The following MECOM variants were observed in gnomAD, a reference collection of about 807,000 sequenced individuals.
MECOM encodes MDS1 and EVI1 complex locus, also known as histone-lysine N-methyltransferase MECOM.
Under a neutral mutation model 116.3 loss-of-function variants are expected in MECOM, and 13 were observed. The ratio of observed to expected loss-of-function variants is 0.11; its 90% CI spans 0.07 to 0.18. The LOEUF (loss-of-function observed/expected upper bound fraction) is 0.18. Ranked by LOEUF, MECOM falls within the 10% of genes least tolerant of loss-of-function variation. MECOM has a pLI of 1.00. For missense variants in MECOM, 1,299 were observed against 1,509.0 expected, an observed-to-expected ratio of 0.86 and a Z score of 2.31; for synonymous variants, 528 against 535.2, an observed-to-expected ratio of 0.99 and a Z score of 0.19.
At chr3:169,092,812 A>T in intron 14 of MECOM, 146 bp downstream of exon 14, 1 of 824,840 alleles carries the variant, frequency 1.2e-6, no homozygotes, top group Non-Finnish European at 1.9e-6. Context: ...GGAAGCATTT[A>T]ATGTGGTATT....
intron 1 of MECOM, among the ~76,000 whole-genome samples, chr3:169,638,417 GC>G (rs1352764337): frequency 1.3e-5 from 2 of 151,948 alleles, no homozygotes; most frequent in Non-Finnish European, 2.9e-5. Flanking sequence ...GACAGTATTA[GC>G]CCCCTGCTAC....
At chr3:169,513,088 T>C (rs1404647877) in intron 1 of MECOM, among the ~76,000 whole-genome samples, 2 of 152,230 alleles carry the variant, frequency 1.3e-5, no homozygotes, top group Non-Finnish European at 1.5e-5. Context: ...TTATTTTGTT[T>C]CCCCGGGATG....
At chr3:169,514,572 C>T (rs779341299) in intron 1 of MECOM, among the ~76,000 whole-genome samples, 2 of 152,208 alleles carry the variant, frequency 1.3e-5, no homozygotes, top group African/African-American at 2.4e-5. Flanking sequence ...AATGCCAAAA[C>T]CTTTCCTTTC....
At chr3:169,248,617 A>T (rs182579441) in intron 2 of MECOM, among the ~76,000 whole-genome samples, 1 of 152,240 alleles carries the variant, frequency 6.6e-6, no homozygotes, top group East Asian at 1.9e-4. Context: ...TTAAAGCCCT[A>T]ACACCCAATG....
intron 2 of MECOM, among the ~76,000 whole-genome samples, chr3:169,361,958 C>A (rs1728374152): frequency 6.6e-6 from 1 of 151,792 alleles, no homozygotes; most frequent in South Asian, 2.1e-4. Context: ...GGTCTTAAGC[C>A]ACCTTCTCTG....
At chr3:169,497,769 T>C (rs1467387429) in intron 1 of MECOM, among the ~76,000 whole-genome samples, 1 of 152,362 alleles carries the variant, frequency 6.6e-6, no homozygotes, top group Non-Finnish European at 1.5e-5. Flanking sequence ...CTTCTCATTA[T>C]GTCTAAATAA....
At chr3:169,292,541 G>C (rs572254874) in intron 2 of MECOM, among the ~76,000 whole-genome samples, 1 of 152,216 alleles carries the variant, frequency 6.6e-6, no homozygotes, top group South Asian at 2.1e-4. Flanking sequence ...GGCTAATTTA[G>C]GAGATGCAAG....
rs1776591049 is a variant in MECOM, at chr3:169,663,471, C to CCTCT, written c.-100_-99insAGAG. 1.3e-5 allele frequency: 13 copies of CCTCT among 1,034,186 alleles called. No homozygotes were observed. Among genetic ancestry groups the CCTCT allele is most frequent in the Non-Finnish European group, 1.7e-5 (12 of 716,274 alleles). 64.1% of individuals were successfully genotyped at this position (1,034,186 alleles called of 1,614,324 possible). On this transcript the variant is annotated 5_prime_UTR_variant, in exon 1 of 17. Transcript: ENST00000651503. ...TCCCTCTCGCTCCCTCCCTCTCTCT[C>CCTCT]CTGTCTCTCTCTCTCTCTCTCTCTC...
In MECOM at chr3:169,147,072, T is replaced by C. The variant is rs78772450; in HGVS notation, c.376-3240A>G. The C allele has an allele frequency of 4.3e-3, 4,252 of 989,640 alleles. 10 individuals carry two copies. Among genetic ancestry groups the C allele is most frequent in the Non-Finnish European group, 4.7e-3 (3,928 of 832,624 alleles). The allele number at this position is 989,640 out of a possible 1,614,324, so 61.3% of individuals were successfully genotyped here. ...TGTGTTTTGGCTTTTTCCCCCTTCCTAAATGAGCTCGGAGCTATTCCTTCT... is the reference window on the plus strand; with the variant it reads ...TGTGTTTTGGCTTTTTCCCCCTTCCCAAATGAGCTCGGAGCTATTCCTTCT... On this transcript the variant is annotated intron_variant, in intron 2 of 16. Coordinates refer to ENST00000651503, the MANE Select transcript of MECOM (RefSeq NM_004991.4).
At chr3:169,559,765 G>A (rs951300811) in intron 1 of MECOM, among the ~76,000 whole-genome samples, 2 of 152,234 alleles carry the variant, frequency 1.3e-5, no homozygotes, top group East Asian at 1.9e-4. Flanking sequence ...AAACCAGGGC[G>A]ATACTACAGA....
At chr3:169,179,883 A>G (rs1045587088) in intron 2 of MECOM, among the ~76,000 whole-genome samples, 2 of 152,158 alleles carry the variant, frequency 1.3e-5, no homozygotes, top group African/African-American at 4.8e-5. Context: ...ATAGTATGTT[A>G]TCTGCTGAGT....
chr3:169,248,811 G>A (rs777054266), intron 2 of MECOM, among the ~76,000 whole-genome samples: 2 of 152,152 alleles, frequency 1.3e-5, no homozygotes, highest in Non-Finnish European at 2.9e-5. Context: ...TAGTAAGTAG[G>A]TAGAGATCTG....
Position 169,417,293 on chromosome 3 carries a change from C to T in MECOM, c.38-35769G>A, listed in dbSNP as rs1233135408. 1.9e-4 allele frequency among the ~76,000 whole-genome samples: 28 copies of T among 148,996 alleles called. 1 individual carries two copies. The highest frequency in any genetic ancestry group is 4.2e-4 in the South Asian group (2 of 4,714). Reference sequence around the variant, plus strand: ...ACAAACAACCCCATCAAAAAGTGGGCGAAGGACATGAACAGACACTTCTCA... The same window carrying T: ...ACAAACAACCCCATCAAAAAGTGGGTGAAGGACATGAACAGACACTTCTCA... On this transcript the variant is annotated intron_variant, in intron 1 of 16. Transcript: ENST00000651503.
intron 1 of MECOM, among the ~76,000 whole-genome samples, chr3:169,485,953 G>GTA (rs1560340522): frequency 9.6e-6 from 1 of 103,984 alleles, no homozygotes; most frequent in African/African-American, 4.3e-5. Flanking sequence ...ATGTATATAT[G>GTA]TACATATATA....
At chr3:169,399,547 T>G (rs1735538813) in intron 1 of MECOM, among the ~76,000 whole-genome samples, 2 of 152,230 alleles carry the variant, frequency 1.3e-5, no homozygotes, top group African/African-American at 4.8e-5. Flanking sequence ...TCAAGCTTGC[T>G]GCTTGCAAAT....
chr3:169,198,328 C>A (rs149876018), intron 2 of MECOM, among the ~76,000 whole-genome samples: 13 of 152,106 alleles, frequency 8.5e-5, no homozygotes, highest in Admixed American at 7.2e-4. Flanking sequence ...CTTCACATTG[C>A]TCTCCCCTTC....
intron 1 of MECOM, among the ~76,000 whole-genome samples, chr3:169,650,229 C>T (rs1265438733): frequency 3.3e-5 from 5 of 152,168 alleles, no homozygotes; most frequent in Non-Finnish European, 7.3e-5. Context: ...CAGTGAAAAA[C>T]ATTTTTCTAT....
chr3:169,623,248 C>CA (rs1196774559), intron 1 of MECOM, among the ~76,000 whole-genome samples: 1 of 152,140 alleles, frequency 6.6e-6, no homozygotes, highest in Non-Finnish European at 1.5e-5. Flanking sequence ...TGCAAACTGA[C>CA]AAAAATAATA....
chr3:169,210,252 G>A (rs117613771), intron 2 of MECOM, among the ~76,000 whole-genome samples: 2 of 152,210 alleles, frequency 1.3e-5, no homozygotes, highest in East Asian at 3.9e-4. Context: ...AAACCTAGAT[G>A]ATGGGTTGAT....
Sources: gnomAD v4.1 joint callset for allele counts (sites outside exome capture counted in the v4.1 genomes callset) on GRCh38, gnomAD v4.1.1 for gene constraint, MANE v1.5 for transcripts, NCBI Gene and HGNC (gene_info 2026-07-23, HGNC 2026-07-21) for gene names.